The following HHIPL1 variants were observed in gnomAD, a reference collection of about 807,000 sequenced individuals.
HHIPL1 encodes the protein HHIP like 1, also known as HHIP-like protein 1.
A neutral mutation model predicts 61.8 loss-of-function variants in HHIPL1; 43 were observed. That is an observed-to-expected ratio of 0.70 (90% CI 0.55 to 0.90). The LOEUF is 0.90. HHIPL1 is among the 40% of genes least tolerant of loss of function. HHIPL1 has a pLI of 0.00. For synonymous variants in HHIPL1, 482 were observed against 515.8 expected, an observed-to-expected ratio of 0.93 and a Z score of 0.89; for missense variants, 1,056 against 1,157.7, an observed-to-expected ratio of 0.91 and a Z score of 1.28.
At chr14:99,629,272 G>A in the HHIPL1 span, among the ~76,000 whole-genome samples, 4 of 152,250 alleles carry the variant, frequency 2.6e-5, no homozygotes, top group South Asian at 8.3e-4. Context: ...GGACTATGCC[G>A]CTGAAAATCA....
intron 1 of HHIPL1, among the ~76,000 whole-genome samples, chr14:99,650,472 C>T (rs1391780836): frequency 1.3e-5 from 2 of 152,304 alleles, no homozygotes; most frequent in East Asian, 1.9e-4. Flanking sequence ...CAGGGAGGCC[C>T]GCAGACAGCC....
chr14:99,674,984 C>T (rs1389881331), intron 8 of HHIPL1, 107 bp from the exon 9 acceptor site: 11 of 510,032 alleles, frequency 2.2e-5, no homozygotes, highest in Non-Finnish European at 2.4e-5. Context: ...GGACATCCTT[C>T]CCCGAGTCTG....
At chr14:99,637,959 A>C in the HHIPL1 span, among the ~76,000 whole-genome samples, 36 of 152,342 alleles carry the variant, frequency 2.4e-4, no homozygotes, top group African/African-American at 8.4e-4. Flanking sequence ...CGCCTCTCAC[A>C]CTGAGGCACA....
upstream of HHIPL1, among the ~76,000 whole-genome samples, chr14:99,640,520 A>C (rs1372815105): frequency 6.6e-6 from 1 of 152,148 alleles, no homozygotes; most frequent in East Asian, 1.9e-4. Context: ...CCTGGGCTCA[A>C]GCAATCTGCC....
the HHIPL1 span, among the ~76,000 whole-genome samples, chr14:99,611,954 A>G: frequency 6.6e-6 from 1 of 152,124 alleles, no homozygotes. Flanking sequence ...TGCCTTGCCC[A>G]TCCTCGGTGA....
the HHIPL1 span, among the ~76,000 whole-genome samples, chr14:99,614,863 TGAAAG>T: frequency 2.6e-5 from 4 of 151,940 alleles, no homozygotes; most frequent in African/African-American, 4.8e-5. Flanking sequence ...TGGGATAAAA[TGAAAG>T]GAAAGAAAGT....
In HHIPL1 at chr14:99,679,045, G is replaced by C. The variant is rs80186533; in HGVS notation, c.*3419G>C. ...CTCATATTAATGCACATTTACTCAC[G>C]TGGAAGCCGAGTTCCAGGGCATTTG... On this transcript the variant is annotated 3_prime_UTR_variant, in exon 9 of 9. Coordinates refer to ENST00000330710, the MANE Select transcript of HHIPL1 (RefSeq NM_001127258.3). 1 of 152,160 alleles carries C rather than the reference G, an allele frequency of 6.6e-6. No individual in the cohort carries two copies. Among genetic ancestry groups the C allele is most frequent in the Non-Finnish European group, 1.5e-5 (1 of 68,038 alleles). The allele number at this position is 152,160 out of a possible 1,614,324, so 9.4% of individuals were successfully genotyped here.
Position 99,659,762 on chromosome 14 carries a change from T to A in HHIPL1, c.1375+6T>A. 1 of 1,334,288 alleles carries A rather than the reference T, an allele frequency of 7.5e-7. No homozygotes were observed. Among genetic ancestry groups the A allele is most frequent in the East Asian group, 3.2e-5 (1 of 31,662 alleles). The allele number at this position is 1,334,288 out of a possible 1,614,324, so 82.7% of individuals were successfully genotyped here. ...GTGCGCCAACACCTCTCTCAGTGAG[T>A]GCCCGCGCCCCGGGGACCCCGGCCC... is the stretch of plus-strand genomic sequence containing the variant. On this transcript the variant is annotated splice_donor_region_variant and intron_variant, in intron 4 of 8. Coordinates refer to ENST00000330710, the MANE Select transcript of HHIPL1 (RefSeq NM_001127258.3).
chr14:99,612,195 G>C, the HHIPL1 span, among the ~76,000 whole-genome samples: 15 of 152,160 alleles, frequency 9.9e-5, no homozygotes, highest in Non-Finnish European at 2.2e-4. Flanking sequence ...CCGAGCGATG[G>C]GGAGAGCCCC....
chr14:99,654,165 G>T (rs1264055770), intron 2 of HHIPL1, among the ~76,000 whole-genome samples: 1 of 127,598 alleles, frequency 7.8e-6, no homozygotes, highest in African/African-American at 2.8e-5. Flanking sequence ...CTGCAGCCTG[G>T]ATGACAGAGC....
At chr14:99,618,540 G>A in the HHIPL1 span, among the ~76,000 whole-genome samples, 1 of 152,210 alleles carries the variant, frequency 6.6e-6, no homozygotes, top group Non-Finnish European at 1.5e-5. Context: ...GTAGCCTGAT[G>A]TCCCTAAAGT....
rs926048708 is a variant in HHIPL1 at position 99,675,183 on chromosome 14, G to A, written c.1906G>A (p.Ala636Thr). The A allele has an allele frequency of 2.3e-5, 26 of 1,129,914 alleles. No homozygotes were observed. Among genetic ancestry groups the A allele is most frequent in the Non-Finnish European group, 2.8e-5 (26 of 915,640 alleles). The allele number at this position is 1,129,914 out of a possible 1,614,324, so 70.0% of individuals were successfully genotyped here. Residue 636 changes from alanine to threonine, a missense_variant, in exon 9 of 9, where the codon GCG (alanine) becomes ACG (threonine). Coordinates refer to ENST00000330710, the MANE Select transcript of HHIPL1 (RefSeq NM_001127258.3). The surrounding 1 kb of genome is among the most constrained non-coding windows in gnomAD (Gnocchi z 5.4). ...AGGGCGCCCCACGGCCGCTCCCCCC[G>A]CGCCAACCCCGCGGCCAGCGCGGCC... ...RRGRPTAAPP[A>T]PTPRPARPTQ...
chr14:99,669,433 G>A, intron 7 of HHIPL1, among the ~76,000 whole-genome samples: 1 of 152,072 alleles, frequency 6.6e-6, no homozygotes, highest in East Asian at 1.9e-4. Flanking sequence ...GACTCTAGGA[G>A]TCCCCACTGT....
the HHIPL1 span, among the ~76,000 whole-genome samples, chr14:99,614,128 G>A: frequency 6.6e-6 from 1 of 152,084 alleles, no homozygotes; most frequent in Non-Finnish European, 1.5e-5. Context: ...CGGAAAATAG[G>A]ACCATTTCAT....
chr14:99,604,759 C>G, the HHIPL1 span: 2 of 152,366 alleles, frequency 1.3e-5, no homozygotes, highest in Non-Finnish European at 1.5e-5. Context: ...TACCCACGAT[C>G]CGGGCGACGG....
At chr14:99,669,412 C>A in intron 7 of HHIPL1, 1 of 842,694 alleles carries the variant, frequency 1.2e-6, no homozygotes, top group Non-Finnish European at 1.4e-6. Context: ...CGAGAATCCA[C>A]ACCTTTGGCA....
Position 99,675,899 on chromosome 14 carries a change from C to T in HHIPL1, c.*273C>T. The T allele has an allele frequency of 2.6e-6, 1 of 385,764 alleles. No individual in the cohort carries two copies. Among genetic ancestry groups the T allele is most frequent in the Non-Finnish European group, 4.6e-6 (1 of 217,150 alleles). The allele number at this position is 385,764 out of a possible 1,614,324, so 23.9% of individuals were successfully genotyped here. ...TTCTTACCTCCAAGCGTTTCAGACA[C>T]CAGCAGGAACAGCAGCCGGGCTGTG... On this transcript the variant is annotated 3_prime_UTR_variant, in exon 9 of 9. Transcript: ENST00000330710. The surrounding 1 kb of genome is among the most constrained non-coding windows in gnomAD (Gnocchi z 5.4).
chr14:99,649,025 T>G (rs1437210529), intron 1 of HHIPL1, among the ~76,000 whole-genome samples: 1 of 152,178 alleles, frequency 6.6e-6, no homozygotes, highest in Non-Finnish European at 1.5e-5. Context: ...CACCTGCCCC[T>G]AAACACACTG....
At chr14:99,672,717 G>C (rs1182441594) in intron 8 of HHIPL1, among the ~76,000 whole-genome samples, 1 of 152,246 alleles carries the variant, frequency 6.6e-6, no homozygotes, top group Non-Finnish European at 1.5e-5. Context: ...GAGACCGGAA[G>C]AGTTGTTTGT....
Sources: allele counts gnomAD v4.1 joint callset (sites outside exome capture counted in the v4.1 genomes callset), GRCh38; gene constraint gnomAD v4.1.1; non-coding constraint Gnocchi (gnomAD v3.1); transcripts MANE v1.5; gene names NCBI Gene and HGNC (gene_info 2026-07-23, HGNC 2026-07-21).